Variants in INSL6 observed in about 807,000 individuals in gnomAD.
INSL6 encodes the protein insulin-like peptide INSL6.
INSL6 carries 16 observed loss-of-function variants against 9.4 expected under a neutral mutation model. The observed-to-expected ratio is 1.70, with a 90% confidence interval of 1.15 to 2.59. The LOEUF (loss-of-function observed/expected upper bound fraction) is 2.59. INSL6 is among the 30% of genes most tolerant of loss of function. The pLI is 0.00. For missense variants in INSL6, 391 were observed against 257.3 expected (o/e 1.52, Z -3.56); for synonymous variants, 154 against 96.9 (o/e 1.59, Z -3.46).
chr9:5,103,865 C>T, the INSL6 span, among the ~76,000 whole-genome samples: 3 of 152,052 alleles, frequency 2.0e-5, no homozygotes, highest in Non-Finnish European at 4.4e-5. Context: ...TTCTTTGAAA[C>T]CAACGAGAAC....
the INSL6 span, among the ~76,000 whole-genome samples, chr9:5,040,476 T>A: frequency 6.6e-6 from 1 of 152,218 alleles, no homozygotes; most frequent in Non-Finnish European, 1.5e-5. Flanking sequence ...GTTAAAAACA[T>A]CTGTGTGTCA....
At chr9:5,109,169 G>A in the INSL6 span, 1 of 152,096 alleles carries the variant, frequency 6.6e-6, no homozygotes, top group African/African-American at 2.4e-5. Context: ...CACAATGAGG[G>A]ACACTTACAT....
the INSL6 span, among the ~76,000 whole-genome samples, chr9:5,115,352 C>T: frequency 6.6e-6 from 1 of 152,094 alleles, no homozygotes; most frequent in African/African-American, 2.4e-5. Context: ...AAATCAAAAC[C>T]AGAGTGAGGT....
the INSL6 span, among the ~76,000 whole-genome samples, chr9:4,996,568 G>T: frequency 1.8e-3 from 273 of 150,870 alleles, 2 homozygotes; most frequent in South Asian, 4.0e-3. Flanking sequence ...AGATTTTTTG[G>T]TTTTTTTGAG....
chr9:5,084,143 G>T, the INSL6 span, among the ~76,000 whole-genome samples: 1 of 152,058 alleles, frequency 6.6e-6, no homozygotes, highest in African/African-American at 2.4e-5. Flanking sequence ...TCTAAGGAAG[G>T]CGTTTTCAAA....
the INSL6 span, among the ~76,000 whole-genome samples, chr9:5,004,204 A>G: frequency 6.6e-6 from 1 of 152,196 alleles, no homozygotes; most frequent in East Asian, 1.9e-4. Flanking sequence ...GGTAATCACC[A>G]TGATGTACAA....
chr9:5,050,205 G>A, the INSL6 span, among the ~76,000 whole-genome samples: 3 of 152,246 alleles, frequency 2.0e-5, no homozygotes, highest in African/African-American at 7.2e-5. Flanking sequence ...TGGGAACCCA[G>A]TGTAAATCAG....
chr9:5,098,399 C>T, the INSL6 span: 2 of 152,162 alleles, frequency 1.3e-5, no homozygotes, highest in African/African-American at 2.4e-5. Context: ...ATAGAAGAAC[C>T]GCTCACTTTC....
downstream of INSL6, among the ~76,000 whole-genome samples, chr9:5,123,700 A>G (rs186411919): frequency 5.9e-4 from 90 of 152,016 alleles, no homozygotes; most frequent in Non-Finnish European, 1.1e-3. Context: ...TGGTAGTTCT[A>G]TATTTAGGTC....
At chr9:5,125,746 CTA>C (rs1490840041) in intron 3 of INSL6, among the ~76,000 whole-genome samples, 2 of 151,316 alleles carry the variant, frequency 1.3e-5, no homozygotes, top group African/African-American at 4.8e-5. Context: ...ATGTGGTTGA[CTA>C]TATATTTGTT....
chr9:5,130,768 G>T (rs1300914203), intron 3 of INSL6, among the ~76,000 whole-genome samples: 1 of 146,140 alleles, frequency 6.8e-6, no homozygotes, highest in Non-Finnish European at 1.5e-5. Flanking sequence ...TCGCTCTGTC[G>T]CCCAGCCTGG....
chr9:5,034,405 C>A, the INSL6 span, among the ~76,000 whole-genome samples: 4 of 152,182 alleles, frequency 2.6e-5, no homozygotes, highest in South Asian at 6.2e-4. Flanking sequence ...TAGACATCTA[C>A]AGAACTCTCC....
the INSL6 span, chr9:5,113,527 C>A: frequency 6.5e-6 from 1 of 153,560 alleles, no homozygotes; most frequent in South Asian, 2.0e-4. Context: ...GTGGGCTGGT[C>A]TCAGCTGATC....
At chr9:5,155,457 C>G (rs1367979429) in intron 2 of INSL6, among the ~76,000 whole-genome samples, 1 of 149,972 alleles carries the variant, frequency 6.7e-6, no homozygotes, top group Non-Finnish European at 1.5e-5. Context: ...CACATGTACC[C>G]TAAAACTTAA....
chr9:5,055,739 C>T, the INSL6 span: 2 of 1,610,108 alleles, frequency 1.2e-6, no homozygotes, highest in African/African-American at 2.7e-5. Flanking sequence ...CAAGAGGGTT[C>T]AAATGAAAGC....
At chr9:5,025,759 T>G in the INSL6 span, among the ~76,000 whole-genome samples, 3 of 152,178 alleles carry the variant, frequency 2.0e-5, no homozygotes, top group Non-Finnish European at 4.4e-5. Context: ...CTCAAACTCC[T>G]GACTTCAGGT....
At chr9:5,013,039 A>G in the INSL6 span, among the ~76,000 whole-genome samples, 1 of 152,240 alleles carries the variant, frequency 6.6e-6, no homozygotes, top group Non-Finnish European at 1.5e-5. Flanking sequence ...CTATCAGTAC[A>G]TATTGATGGA....
the INSL6 span, among the ~76,000 whole-genome samples, chr9:5,104,256 C>T: frequency 2.0e-5 from 3 of 152,168 alleles, no homozygotes; most frequent in Non-Finnish European, 4.4e-5. Flanking sequence ...CACAGAAATA[C>T]AAACTACCAT....
chr9:5,175,855 C>G (rs1400886287), intron 1 of INSL6, among the ~76,000 whole-genome samples: 2 of 152,152 alleles, frequency 1.3e-5, no homozygotes, highest in Non-Finnish European at 2.9e-5. Context: ...AGGGCTCCCA[C>G]TGATTCTACA....
Sources: allele counts gnomAD v4.1 joint callset (sites outside exome capture counted in the v4.1 genomes callset), GRCh38; gene constraint gnomAD v4.1.1; transcripts MANE v1.5; gene names NCBI Gene and HGNC (gene_info 2026-07-23, HGNC 2026-07-21).